RBMS3: variants seen among roughly 807,000 people sequenced by gnomAD.
RBMS3 encodes RNA binding motif single stranded interacting protein 3, also known as RNA-binding motif, single-stranded-interacting protein 3.
RBMS3 carries 27 observed loss-of-function variants against 66.8 expected under a neutral mutation model. That is an observed-to-expected ratio of 0.40 (90% confidence interval 0.30 to 0.56). RBMS3 has a LOEUF of 0.56. Among genes scored for constraint, RBMS3 ranks in the 20% least tolerant of loss-of-function variants. The probability of loss-of-function intolerance (pLI) is 0.40; values close to 1 mark genes in which losing one functional copy is unlikely to be tolerated. For missense variants in RBMS3, 513 were observed against 549.5 expected (o/e 0.93, Z 0.66); for synonymous variants, 188 against 183.0 (o/e 1.03, Z -0.22).
At chr3:29,986,972 A>C (rs2149792898) in intron 12 of RBMS3, among the ~76,000 whole-genome samples, 1 of 152,256 alleles carries the variant, frequency 6.6e-6, no homozygotes, top group Non-Finnish European at 1.5e-5. Flanking sequence ...AACAACAAAG[A>C]AAAAGAAAAG....
chr3:29,484,274 A>C (rs2043242559), intron 2 of RBMS3, among the ~76,000 whole-genome samples: 1 of 152,234 alleles, frequency 6.6e-6, no homozygotes, highest in South Asian at 2.1e-4. Flanking sequence ...ACAAAGTACC[A>C]CAGACTGGGT....
At chr3:29,516,394 A>G (rs2044623099) in intron 3 of RBMS3, among the ~76,000 whole-genome samples, 1 of 152,134 alleles carries the variant, frequency 6.6e-6, no homozygotes, top group Non-Finnish European at 1.5e-5. Flanking sequence ...CACTAAGAAA[A>G]CACATAGAGT....
intron 2 of RBMS3, among the ~76,000 whole-genome samples, chr3:29,470,036 A>G (rs1365733614): frequency 6.8e-6 from 1 of 147,856 alleles, no homozygotes; most frequent in South Asian, 2.1e-4. Context: ...AAAATATATA[A>G]AAGAATAATA....
rs747827041 is a variant in RBMS3 at position 29,531,399 on chromosome 3, T to A, written c.307+42900T>A. Among the ~76,000 whole-genome samples, 9 of 152,396 alleles carry A rather than the reference T, an allele frequency of 5.9e-5. No individual in the cohort carries two copies. The South Asian group carries it at 8.3e-4, about 14-fold the overall frequency. On this transcript the variant is annotated intron_variant, in intron 3 of 14. Coordinates refer to ENST00000383767, the MANE Select transcript of RBMS3 (RefSeq NM_001003793.3). ...GACTTACATGGATTGTTTTCATTTC[T>A]GTTTATTTCAACTAATGACTCCATG...
chr3:29,690,485 T>C (rs2051955078), intron 4 of RBMS3, among the ~76,000 whole-genome samples: 1 of 152,196 alleles, frequency 6.6e-6, no homozygotes, highest in Non-Finnish European at 1.5e-5. Flanking sequence ...TTATAACTGA[T>C]TCAAATTGTT....
At chr3:29,494,066 A>G (rs1662709398) in intron 3 of RBMS3, among the ~76,000 whole-genome samples, 1 of 152,238 alleles carries the variant, frequency 6.6e-6, no homozygotes, top group South Asian at 2.1e-4. Flanking sequence ...ATTTTTAAAG[A>G]CATGATAGTA....
At chr3:29,987,621 A>G (rs1346307082) in intron 12 of RBMS3, among the ~76,000 whole-genome samples, 1 of 152,158 alleles carries the variant, frequency 6.6e-6, no homozygotes, top group Non-Finnish European at 1.5e-5. Flanking sequence ...AAGTGATGCA[A>G]AAATGAAAAA....
intron 6 of RBMS3, among the ~76,000 whole-genome samples, chr3:29,829,004 TTC>T (rs2058286893): frequency 4.4e-5 from 2 of 45,118 alleles, no homozygotes; most frequent in Admixed American, 1.8e-4. Flanking sequence ...CTTTCTTTCT[TTC>T]TTTCTTTCTT....
At chr3:29,838,495 C>G (rs1452330796) in intron 6 of RBMS3, among the ~76,000 whole-genome samples, 1 of 151,950 alleles carries the variant, frequency 6.6e-6, no homozygotes, top group Non-Finnish European at 1.5e-5. Context: ...TAGGATATTT[C>G]AAAGAAAAGT....
At chr3:29,992,957 G>A (rs1383523717) in intron 14 of RBMS3, among the ~76,000 whole-genome samples, 1 of 152,178 alleles carries the variant, frequency 6.6e-6, no homozygotes, top group African/African-American at 2.4e-5. Context: ...GGACTCAGTA[G>A]CCTGACTAAA....
chr3:29,939,165 C>T (rs546954851), intron 11 of RBMS3, among the ~76,000 whole-genome samples: 1 of 151,992 alleles, frequency 6.6e-6, no homozygotes, highest in South Asian at 2.1e-4. Context: ...TTTAAGGTAG[C>T]AAATTCAAAA....
intron 12 of RBMS3, among the ~76,000 whole-genome samples, chr3:29,949,295 A>T (rs1695522253): frequency 6.6e-6 from 1 of 151,688 alleles, no homozygotes; most frequent in Non-Finnish European, 1.5e-5. Flanking sequence ...AAAGTTCCAG[A>T]TAGTAAATAT....
chr3:29,430,108 A>G (rs1243783543), intron 1 of RBMS3, among the ~76,000 whole-genome samples: 2 of 152,082 alleles, frequency 1.3e-5, no homozygotes, highest in Admixed American at 1.3e-4. Flanking sequence ...TGATTAAAGG[A>G]TGTGTATTTG....
intron 6 of RBMS3, among the ~76,000 whole-genome samples, chr3:29,848,223 G>A (rs142336742): frequency 1.6e-4 from 25 of 152,246 alleles, no homozygotes; most frequent in Non-Finnish European, 3.1e-4. Context: ...GTCAGCCAGC[G>A]CACCTGGACA....
At chr3:29,379,014 C>A (rs572242511) in intron 1 of RBMS3, among the ~76,000 whole-genome samples, 4 of 152,266 alleles carry the variant, frequency 2.6e-5, no homozygotes, top group African/African-American at 9.6e-5. Context: ...GTCTTGTCTG[C>A]AGAGAGATTT....
At chr3:29,900,881 C>T (rs1263264094) in intron 10 of RBMS3, among the ~76,000 whole-genome samples, 1 of 151,752 alleles carries the variant, frequency 6.6e-6, no homozygotes, top group African/African-American at 2.4e-5. Context: ...ATACATTAAA[C>T]ACCAGGGAGC....
intron 4 of RBMS3, chr3:29,698,408 C>T (rs1330843257): frequency 1.0e-6 from 1 of 984,956 alleles, no homozygotes; most frequent in African/African-American, 1.8e-5. Context: ...AATTCTATAG[C>T]CAGGATATCA....
rs563450828 is a variant in RBMS3 at position 29,963,653 on chromosome 3, C to T, written c.1098+19399C>T. ...GACCAGCCTGGGTAACATGGTGAACCCCCATCTCCACTAAAAATACAAAAA... is the reference window on the plus strand; with the variant it reads ...GACCAGCCTGGGTAACATGGTGAACTCCCATCTCCACTAAAAATACAAAAA... On this transcript the variant is annotated intron_variant, in intron 12 of 14. Coordinates refer to ENST00000383767, the MANE Select transcript of RBMS3 (RefSeq NM_001003793.3). Among the ~76,000 whole-genome samples the T allele has an allele frequency of 3.2e-4, 48 of 151,962 alleles. 1 individual carries two copies. The highest frequency in any genetic ancestry group is 2.9e-3 in the Admixed American group (44 of 15,266).
chr3:29,748,093 G>A (rs1449652457), intron 5 of RBMS3, among the ~76,000 whole-genome samples: 1 of 152,176 alleles, frequency 6.6e-6, no homozygotes, highest in African/African-American at 2.4e-5. Flanking sequence ...CAAGAGGTAA[G>A]AGAATGATGT....
Sources: gnomAD v4.1 joint callset for allele counts (sites outside exome capture counted in the v4.1 genomes callset) on GRCh38, gnomAD v4.1.1 for gene constraint, MANE v1.5 for transcripts, NCBI Gene and HGNC (gene_info 2026-07-23, HGNC 2026-07-21) for gene names.